The following SH3RF1 variants were observed in gnomAD, a reference collection of about 807,000 sequenced individuals.
SH3RF1 encodes E3 ubiquitin-protein ligase SH3RF1.
A neutral mutation model predicts 74.0 loss-of-function variants in SH3RF1; 32 were observed. The ratio of observed to expected loss-of-function variants is 0.43; its 90% confidence interval spans 0.33 to 0.58. The LOEUF (loss-of-function observed/expected upper bound fraction) is 0.58. Ranked by LOEUF, SH3RF1 falls within the 20% of genes least tolerant of loss-of-function variation. The probability of loss-of-function intolerance (pLI) is 0.05; values close to 1 mark genes in which losing one functional copy is unlikely to be tolerated. For synonymous variants in SH3RF1, 396 were observed against 439.6 expected, an observed-to-expected ratio of 0.90 and a Z score of 1.24; for missense variants, 954 against 1,130.9, an observed-to-expected ratio of 0.84 and a Z score of 2.24.
chr4:169,228,413 A>G (rs1198998672), intron 2 of SH3RF1, among the ~76,000 whole-genome samples: 1 of 151,834 alleles, frequency 6.6e-6, no homozygotes, highest in African/African-American at 2.4e-5. Context: ...GTTCTAGGGG[A>G]AAAATCTGTT....
At chr4:169,263,987 A>G (rs1423275423) in intron 2 of SH3RF1, among the ~76,000 whole-genome samples, 1 of 152,222 alleles carries the variant, frequency 6.6e-6, no homozygotes, top group Non-Finnish European at 1.5e-5. Context: ...GACAGAACAC[A>G]GAAGGCTGGA....
At chr4:169,206,967 C>CT (rs199824103) in intron 2 of SH3RF1, among the ~76,000 whole-genome samples, 1,789 of 148,722 alleles carry the variant, frequency 0.012, 63 homozygotes, top group East Asian at 0.086. Flanking sequence ...CCCCATTTCT[C>CT]TTTTTTTTTT....
At chr4:169,131,086 A>T (rs1033226964) in intron 5 of SH3RF1, among the ~76,000 whole-genome samples, 1 of 152,240 alleles carries the variant, frequency 6.6e-6, no homozygotes, top group Non-Finnish European at 1.5e-5. Flanking sequence ...ACATTGAAAG[A>T]AAGATTGTCA....
intron 2 of SH3RF1, among the ~76,000 whole-genome samples, chr4:169,168,315 A>G (rs948227236): frequency 1.4e-4 from 22 of 152,224 alleles, no homozygotes; most frequent in Non-Finnish European, 3.1e-4. Flanking sequence ...TACATAATGT[A>G]CTGTCACTCC....
chr4:169,245,670 T>G (rs1579160358), intron 2 of SH3RF1, among the ~76,000 whole-genome samples: 2 of 152,164 alleles, frequency 1.3e-5, no homozygotes, highest in East Asian at 3.8e-4. Context: ...CTGCTACAAA[T>G]AATATGGCCA....
chr4:169,156,935 G>C (rs900572411), intron 2 of SH3RF1, among the ~76,000 whole-genome samples: 1 of 152,158 alleles, frequency 6.6e-6, no homozygotes, highest in Non-Finnish European at 1.5e-5. Flanking sequence ...AGTTTAACTT[G>C]GTGGGTGTTT....
At chr4:169,259,507 T>C (rs558197621) in intron 2 of SH3RF1, among the ~76,000 whole-genome samples, 32 of 152,258 alleles carry the variant, frequency 2.1e-4, no homozygotes, top group African/African-American at 7.2e-4. Context: ...TGACTAGGCA[T>C]TGGCAGACAT....
intron 5 of SH3RF1, among the ~76,000 whole-genome samples, chr4:169,132,914 G>C (rs909024166): frequency 6.6e-6 from 1 of 152,262 alleles, no homozygotes; most frequent in East Asian, 1.9e-4. Flanking sequence ...ACATCTATCT[G>C]ATCTGGCGAC....
At chr4:169,172,756 A>G (rs914733500) in intron 2 of SH3RF1, among the ~76,000 whole-genome samples, 1 of 152,110 alleles carries the variant, frequency 6.6e-6, no homozygotes, top group Non-Finnish European at 1.5e-5. Context: ...TTGGGCTGGG[A>G]GAGAAAGACC....
At chr4:169,125,573 A>C (rs1733512214) in intron 6 of SH3RF1, among the ~76,000 whole-genome samples, 1 of 152,210 alleles carries the variant, frequency 6.6e-6, no homozygotes, top group Admixed American at 6.5e-5. Context: ...AGTTCAACTG[A>C]AAATAAAGGG....
At chr4:169,122,053 T>TC (rs2126946486) in intron 7 of SH3RF1, 47 bp downstream of exon 7, 1 of 1,596,998 alleles carries the variant, frequency 6.3e-7, no homozygotes, top group South Asian at 1.1e-5. Context: ...GGTTTGGACT[T>TC]CGTTTAAATG....
At chr4:169,199,452 G>A (rs567175721) in intron 2 of SH3RF1, among the ~76,000 whole-genome samples, 2 of 152,240 alleles carry the variant, frequency 1.3e-5, no homozygotes, top group South Asian at 4.1e-4. Context: ...TGTGCATCCA[G>A]AGAGCAGAAG....
chr4:169,250,067 T>C (rs1453359314), intron 2 of SH3RF1, among the ~76,000 whole-genome samples: 2 of 152,234 alleles, frequency 1.3e-5, no homozygotes, highest in Admixed American at 1.3e-4. Flanking sequence ...CACCCACTCC[T>C]TAAACAGTTT....
At chr4:169,215,386 C>A (rs1028765018) in intron 2 of SH3RF1, among the ~76,000 whole-genome samples, 1 of 152,150 alleles carries the variant, frequency 6.6e-6, no homozygotes, top group Admixed American at 6.5e-5. Flanking sequence ...CACCTATGTT[C>A]ATGACAGATA....
intron 2 of SH3RF1, among the ~76,000 whole-genome samples, chr4:169,268,436 A>G (rs1358740316): frequency 1.3e-5 from 2 of 152,212 alleles, no homozygotes; most frequent in African/African-American, 4.8e-5. Context: ...CTTACAACAT[A>G]TATACTACAT....
chr4:169,111,421 A>G (rs1579087208), intron 10 of SH3RF1, among the ~76,000 whole-genome samples: 1 of 149,828 alleles, frequency 6.7e-6, no homozygotes, highest in East Asian at 2.0e-4. Flanking sequence ...TGCCCAGCTA[A>G]TTAAAAATAA....
chr4:169,149,759 C>T (rs1039246733), intron 4 of SH3RF1, among the ~76,000 whole-genome samples: 3 of 152,038 alleles, frequency 2.0e-5, no homozygotes, highest in Non-Finnish European at 4.4e-5. Context: ...AAAAATATAT[C>T]CAAAAGTATA....
intron 2 of SH3RF1, among the ~76,000 whole-genome samples, chr4:169,167,785 T>TA (rs1310287935): frequency 6.6e-6 from 1 of 152,100 alleles, no homozygotes; most frequent in Non-Finnish European, 1.5e-5. Context: ...ACGGAGGTGT[T>TA]AGTTATCCTG....
intron 4 of SH3RF1, among the ~76,000 whole-genome samples, chr4:169,137,954 A>G (rs1733725509): frequency 6.6e-6 from 1 of 152,238 alleles, no homozygotes; most frequent in Admixed American, 6.5e-5. Context: ...TCAGACTTTA[A>G]GAAGTTTCTC....
Sources: allele counts gnomAD v4.1 joint callset (sites outside exome capture counted in the v4.1 genomes callset), GRCh38; gene constraint gnomAD v4.1.1; transcripts MANE v1.5; gene names NCBI Gene and HGNC (gene_info 2026-07-23, HGNC 2026-07-21).